Variants in DGCR2 observed in about 807,000 individuals in gnomAD.
DGCR2 encodes the protein integral membrane protein DGCR2/IDD.
Under a neutral mutation model 51.6 loss-of-function variants are expected in DGCR2, and 24 were observed. That is an observed-to-expected ratio of 0.47 (90% CI 0.34 to 0.65). DGCR2 has a LOEUF of 0.65. DGCR2 is among the 30% of genes least tolerant of loss of function. The pLI is 0.01. For missense variants in DGCR2, 765 were observed against 772.1 expected, an observed-to-expected ratio of 0.99 and a Z score of 0.11; for synonymous variants, 340 against 315.4, an observed-to-expected ratio of 1.08 and a Z score of -0.82.
Position 19,064,997 on chromosome 22 carries a change from C to A in DGCR2, c.399G>T (p.Leu133=). The change falls in exon 4 of 10, where the codon CTG becomes CTT. Residue 133 remains leucine, a synonymous_variant. Transcript: ENST00000263196. ...EGTASCYRVY[L]SGENYWDAAQ... ...CGGCATCCCAGTAGTTCTCCCCGCT[C>A]AGGTAGACCCGGTAGCAGCTGGCCG... 1 of 1,614,078 alleles carries A rather than the reference C, an allele frequency of 6.2e-7. No homozygotes were observed. The highest frequency in any genetic ancestry group is 1.1e-5 in the South Asian group (1 of 91,090).
At chr22:19,042,693 C>G (rs147482307) in intron 7 of DGCR2, among the ~76,000 whole-genome samples, 1 of 152,160 alleles carries the variant, frequency 6.6e-6, no homozygotes, top group African/African-American at 2.4e-5. Flanking sequence ...AGGCCTGGAC[C>G]GGGTAGTGAC....
chr22:19,062,775 GCTCA>G (rs2082686803), intron 5 of DGCR2, among the ~76,000 whole-genome samples: 2 of 108,964 alleles, frequency 1.8e-5, no homozygotes, highest in South Asian at 4.0e-4. Flanking sequence ...ACACATGCAT[GCTCA>G]CTCTCTCTCT....
At chr22:19,084,018 A>G (rs993706196) in intron 2 of DGCR2, among the ~76,000 whole-genome samples, 1 of 152,038 alleles carries the variant, frequency 6.6e-6, no homozygotes, top group Non-Finnish European at 1.5e-5. Context: ...TCGTTCACTC[A>G]GTGCTCAATG....
chr22:19,062,127 T>C (rs1473224711), intron 5 of DGCR2, among the ~76,000 whole-genome samples: 2 of 152,214 alleles, frequency 1.3e-5, no homozygotes, highest in African/African-American at 4.8e-5. Context: ...CTCTGGGGCC[T>C]GGAAACCCAG....
chr22:19,105,529 C>G (rs563531651), intron 1 of DGCR2, among the ~76,000 whole-genome samples: 2 of 152,290 alleles, frequency 1.3e-5, no homozygotes, highest in East Asian at 3.9e-4. Context: ...CTGGCAAGCA[C>G]CCATTCTGAA....
intron 1 of DGCR2, among the ~76,000 whole-genome samples, chr22:19,097,551 C>G (rs1407990142): frequency 6.6e-6 from 1 of 150,708 alleles, no homozygotes; most frequent in Non-Finnish European, 1.5e-5. Context: ...GGCTCTGTCT[C>G]GAAAAAAAAA....
Position 19,048,593 on chromosome 22 carries a change from A to G in DGCR2, c.853T>C (p.Phe285Leu). 3 of 1,614,224 alleles carry G rather than the reference A, an allele frequency of 1.9e-6. No homozygotes were observed. Among genetic ancestry groups the G allele is most frequent in the Non-Finnish European group, 2.5e-6 (3 of 1,180,036 alleles). The change falls in exon 7 of 10, where the codon TTC becomes CTC. Residue 285 changes from phenylalanine (F) to leucine (L), a missense_variant. Phe to Leu is a conservative substitution (Grantham distance 22, BLOSUM62 0). Around this residue, in one of 3 missense-constraint regions of DGCR2, gnomAD observed 190 missense variants for 265.2 expected, o/e 0.72. Transcript: ENST00000263196. ...CATGGGTCGTCCCCCTTAGGGGTGA[A>G]GTAGAACCCTTCATCCACCACGTTG... is the stretch of plus-strand genomic sequence containing the variant. ...KDNVVDEGFY[F>L]TPKGDDPCLS...
intron 2 of DGCR2, among the ~76,000 whole-genome samples, chr22:19,072,590 T>C (rs1180530896): frequency 6.6e-6 from 1 of 152,168 alleles, no homozygotes; most frequent in Non-Finnish European, 1.5e-5. Context: ...AGAAGGAGCA[T>C]GGACCGGGCA....
At chr22:19,118,379 A>C (rs1289954574) in intron 1 of DGCR2, among the ~76,000 whole-genome samples, 1 of 150,392 alleles carries the variant, frequency 6.6e-6, no homozygotes, top group African/African-American at 2.4e-5. Flanking sequence ...GCAAACAAAA[A>C]AAAAAAAAAA....
At chr22:19,062,949 GGGGACAATCTA>G (rs1403100586) in intron 5 of DGCR2, among the ~76,000 whole-genome samples, 2 of 152,060 alleles carry the variant, frequency 1.3e-5, no homozygotes, top group Non-Finnish European at 2.9e-5. Context: ...AAAGGAGGCG[GGGGACAATCTA>G]GAAAGCTGGC....
chr22:19,074,987 A>G lies in DGCR2; in HGVS notation c.203-6762T>C, dbSNP rs560314964. Among the ~76,000 whole-genome samples, 31 of 152,278 alleles carry G rather than the reference A, an allele frequency of 2.0e-4. No homozygotes were observed. In the South Asian group the frequency reaches 6.4e-3, roughly 32 times the overall value. On this transcript the variant is annotated intron_variant, in intron 2 of 9. Coordinates refer to ENST00000263196, the MANE Select transcript of DGCR2 (RefSeq NM_005137.3). ...AAAATTATTGTGCCAGTCCCTTCCAATCCAAGGATACAATCTTTCATTTCT... is the reference window on the plus strand; with the variant it reads ...AAAATTATTGTGCCAGTCCCTTCCAGTCCAAGGATACAATCTTTCATTTCT...
At chr22:19,052,414 T>TCACACACACACACACACACA (rs34670843) in intron 6 of DGCR2, among the ~76,000 whole-genome samples, 1 of 148,550 alleles carries the variant, frequency 6.7e-6, no homozygotes. Context: ...AGACTCTGTC[T>TCACACACACACACACACACA]CACACACACA....
intron 2 of DGCR2, among the ~76,000 whole-genome samples, chr22:19,068,940 C>T (rs1043583996): frequency 6.6e-6 from 1 of 152,234 alleles, no homozygotes; most frequent in Non-Finnish European, 1.5e-5. Flanking sequence ...TTTTGTCCTC[C>T]AACCCCCTTG....
chr22:19,044,920 G>T (rs1288579262), intron 7 of DGCR2, among the ~76,000 whole-genome samples: 2 of 152,078 alleles, frequency 1.3e-5, no homozygotes, highest in Admixed American at 6.6e-5. Flanking sequence ...TTCAGTCAGG[G>T]GCTTATTTTT....
chr22:19,067,585 C>T (rs890104869), intron 3 of DGCR2, among the ~76,000 whole-genome samples: 6 of 151,924 alleles, frequency 3.9e-5, no homozygotes, highest in Non-Finnish European at 5.9e-5. Flanking sequence ...CCCAGCTACT[C>T]GGGAGGCTAA....
intron 1 of DGCR2, among the ~76,000 whole-genome samples, chr22:19,111,175 T>C (rs1292310226): frequency 1.3e-5 from 2 of 152,206 alleles, no homozygotes; most frequent in Admixed American, 6.5e-5. Context: ...ACAGGTAGAT[T>C]TGATTGCAAT....
intron 1 of DGCR2, among the ~76,000 whole-genome samples, chr22:19,101,080 C>T (rs1439742186): frequency 1.3e-5 from 2 of 152,160 alleles, no homozygotes; most frequent in Non-Finnish European, 2.9e-5. Flanking sequence ...CATTGTACTC[C>T]AGCCTGGGCA....
intron 6 of DGCR2, among the ~76,000 whole-genome samples, chr22:19,050,768 A>T (rs927381733): frequency 2.0e-5 from 3 of 152,240 alleles, no homozygotes; most frequent in Non-Finnish European, 4.4e-5. Flanking sequence ...CATCTTATTA[A>T]AACACTCATT....
intron 2 of DGCR2, among the ~76,000 whole-genome samples, chr22:19,070,115 T>A (rs181201413): frequency 6.6e-6 from 1 of 152,122 alleles, no homozygotes; most frequent in Admixed American, 6.5e-5. Flanking sequence ...ACTGGTCCCA[T>A]GTCCTAAGCC....
Sources: gnomAD v4.1 joint callset for allele counts (sites outside exome capture counted in the v4.1 genomes callset) on GRCh38, gnomAD v4.1.1 for gene constraint, gnomAD v4.1.1 regional missense constraint, MANE v1.5 for transcripts, NCBI Gene and HGNC (gene_info 2026-07-23, HGNC 2026-07-21) for gene names.